The following TMCC1 variants were observed in gnomAD, a reference collection of about 807,000 sequenced individuals.
The protein encoded by TMCC1 is transmembrane and coiled-coil domain family 1, also known as transmembrane and coiled-coil domains protein 1.
A neutral mutation model predicts 52.4 loss-of-function variants in TMCC1; 15 were observed. The observed-to-expected ratio is 0.29, with a 90% CI of 0.19 to 0.44. The LOEUF is 0.44. TMCC1 is among the 20% of genes least tolerant of loss of function. The probability of loss-of-function intolerance (pLI) is 1.00; values close to 1 mark genes in which losing one functional copy is unlikely to be tolerated. For synonymous variants in TMCC1, 279 were observed against 301.9 expected (o/e 0.92, Z 0.79); for missense variants, 503 against 806.0 (o/e 0.62, Z 4.55).
At chr3:129,740,100 C>T (rs2051329895) in intron 4 of TMCC1, among the ~76,000 whole-genome samples, 1 of 152,246 alleles carries the variant, frequency 6.6e-6, no homozygotes, top group African/African-American at 2.4e-5. Flanking sequence ...GAGAACAGCT[C>T]AGGTCTTTGC....
chr3:129,844,286 A>C (rs2059562098), intron 2 of TMCC1, among the ~76,000 whole-genome samples: 1 of 152,192 alleles, frequency 6.6e-6, no homozygotes, highest in Non-Finnish European at 1.5e-5. Flanking sequence ...AAAATCGAGA[A>C]GGAATAATAT....
intron 4 of TMCC1, among the ~76,000 whole-genome samples, chr3:129,712,535 C>T (rs560581177): frequency 2.7e-4 from 41 of 152,280 alleles, no homozygotes; most frequent in Non-Finnish European, 1.2e-4. Context: ...GCAGCTTCGA[C>T]CCTCTGGGCT....
chr3:129,780,929 T>G (rs2055470488), intron 4 of TMCC1, among the ~76,000 whole-genome samples: 2 of 152,086 alleles, frequency 1.3e-5, no homozygotes, highest in Admixed American at 1.3e-4. Context: ...AAAATAAAAA[T>G]TAAGCAAAAT....
chr3:129,751,789 G>GACCTCATAATCCGCC (rs2052551809), intron 4 of TMCC1, among the ~76,000 whole-genome samples: 2 of 152,086 alleles, frequency 1.3e-5, no homozygotes, highest in Non-Finnish European at 2.9e-5. Context: ...TCAAACTCCT[G>GACCTCATAATCCGCC]ACCTCATAAT....
In TMCC1 at chr3:129,778,664, T is replaced by C. The variant is rs1386484682; in HGVS notation, c.576+49139A>G. Reference sequence around the variant, plus strand: ...GGGGAGGGACCTCATGGAAGGTGATTAGATCATGGTGGGGGGGGGGCAGTC... The same window carrying C: ...GGGGAGGGACCTCATGGAAGGTGATCAGATCATGGTGGGGGGGGGGCAGTC... On this transcript the variant is annotated intron_variant, in intron 4 of 6. Coordinates refer to ENST00000393238, the MANE Select transcript of TMCC1 (RefSeq NM_001017395.5). Among the ~76,000 whole-genome samples, 7 of 55,194 alleles carry C rather than the reference T, an allele frequency of 1.3e-4. No individual in the cohort carries two copies. The East Asian group carries it at 2.1e-3, about 17-fold the overall frequency. 36.2% of individuals were successfully genotyped at this position (55,194 alleles called of 152,430 possible).
chr3:129,687,876 G>C (rs1234021297), intron 4 of TMCC1, among the ~76,000 whole-genome samples: 1 of 151,976 alleles, frequency 6.6e-6, no homozygotes, highest in Non-Finnish European at 1.5e-5. Flanking sequence ...AGAAAAAGCA[G>C]GGAAAAAAAA....
chr3:129,739,115 C>A (rs1035569167), intron 4 of TMCC1, among the ~76,000 whole-genome samples: 5 of 152,102 alleles, frequency 3.3e-5, no homozygotes, highest in Non-Finnish European at 4.4e-5. Flanking sequence ...CCATGCCCAG[C>A]CTAACTAAAA....
At chr3:129,849,399 G>T (rs1302400999) in intron 2 of TMCC1, among the ~76,000 whole-genome samples, 1 of 151,720 alleles carries the variant, frequency 6.6e-6, no homozygotes, top group Non-Finnish European at 1.5e-5. Context: ...GGCGGATGTT[G>T]CAGTGAGCTG....
intron 2 of TMCC1, among the ~76,000 whole-genome samples, chr3:129,857,723 G>A (rs1414487188): frequency 9.9e-6 from 1 of 101,478 alleles, no homozygotes; most frequent in Non-Finnish European, 2.8e-5. Flanking sequence ...CACTAAGCCT[G>A]GCTAATTTTT....
At chr3:129,727,112 T>C (rs1274170848) in intron 4 of TMCC1, among the ~76,000 whole-genome samples, 2 of 152,030 alleles carry the variant, frequency 1.3e-5, no homozygotes, top group African/African-American at 4.8e-5. Context: ...TATGTCACCA[T>C]TGTATGAAAA....
chr3:129,672,487 C>G (rs1005193557), intron 4 of TMCC1, among the ~76,000 whole-genome samples: 1 of 151,968 alleles, frequency 6.6e-6, no homozygotes, highest in Admixed American at 6.6e-5. Flanking sequence ...ATAGTTCCAG[C>G]TAGTAGGGAA....
chr3:129,746,250 A>G (rs1366801669), intron 4 of TMCC1, among the ~76,000 whole-genome samples: 1 of 151,852 alleles, frequency 6.6e-6, no homozygotes, highest in Non-Finnish European at 1.5e-5. Context: ...AGCTCACTGC[A>G]ACCTCCACCC....
chr3:129,723,931 T>TC (rs1553846290), intron 4 of TMCC1, among the ~76,000 whole-genome samples: 1 of 150,610 alleles, frequency 6.6e-6, no homozygotes, highest in African/African-American at 2.4e-5. Flanking sequence ...TTTTTTTTTT[T>TC]AAAAGACAGA....
intron 2 of TMCC1, among the ~76,000 whole-genome samples, chr3:129,874,270 C>G (rs1486981865): frequency 6.6e-6 from 1 of 152,196 alleles, no homozygotes; most frequent in African/African-American, 2.4e-5. Context: ...GCTGTTATTT[C>G]TACAAAGTAC....
chr3:129,829,815 C>T (rs2058826615), intron 3 of TMCC1, among the ~76,000 whole-genome samples: 1 of 152,168 alleles, frequency 6.6e-6, no homozygotes. Context: ...CTCAAGGCTA[C>T]TAGAGTTTAG....
At chr3:129,875,963 G>A (rs2061187127) in intron 2 of TMCC1, among the ~76,000 whole-genome samples, 1 of 151,980 alleles carries the variant, frequency 6.6e-6, no homozygotes, top group Admixed American at 6.6e-5. Flanking sequence ...GAGAAACCCC[G>A]TCTCTATTAA....
intron 4 of TMCC1, among the ~76,000 whole-genome samples, chr3:129,730,999 T>C (rs1168707168): frequency 6.6e-6 from 1 of 152,228 alleles, no homozygotes; most frequent in African/African-American, 2.4e-5. Context: ...GAGGAACTCA[T>C]TTTATGAAGC....
chr3:129,868,388 A>G (rs2060754316), intron 2 of TMCC1, among the ~76,000 whole-genome samples: 1 of 152,234 alleles, frequency 6.6e-6, no homozygotes, highest in Non-Finnish European at 1.5e-5. Flanking sequence ...AAAAAAAGAA[A>G]CAATACTGGA....
chr3:129,823,204 T>C (rs2058501119), intron 4 of TMCC1, among the ~76,000 whole-genome samples: 1 of 152,006 alleles, frequency 6.6e-6, no homozygotes, highest in South Asian at 2.1e-4. Context: ...TGTGCGCCTG[T>C]AATCTCAGCT....
Sources: allele counts gnomAD v4.1 joint callset (sites outside exome capture counted in the v4.1 genomes callset), GRCh38; gene constraint gnomAD v4.1.1; transcripts MANE v1.5; gene names NCBI Gene and HGNC (gene_info 2026-07-23, HGNC 2026-07-21).